The following LINGO2 variants were observed in gnomAD, a reference collection of about 807,000 sequenced individuals.
LINGO2 encodes the protein leucine-rich repeat and immunoglobulin-like domain-containing nogo receptor-interacting protein 2.
Under a neutral mutation model 30.6 loss-of-function variants are expected in LINGO2, and 14 were observed. The observed-to-expected ratio is 0.46, with a 90% CI of 0.30 to 0.72. LINGO2 has a LOEUF of 0.72. Among genes scored for constraint, LINGO2 ranks in the 30% least tolerant of loss-of-function variants. LINGO2 has a pLI of 0.07. For synonymous variants in LINGO2, 317 were observed against 288.5 expected (o/e 1.10, Z -1.00); for missense variants, 729 against 751.7 (o/e 0.97, Z 0.35).
At chr9:28,474,159 C>T (rs1174395987) in intron 2 of LINGO2, among the ~76,000 whole-genome samples, 3 of 152,120 alleles carry the variant, frequency 2.0e-5, no homozygotes, top group African/African-American at 7.2e-5. Context: ...ACTCAATGTG[C>T]ATTTTACTTT....
chr9:28,843,154 C>T, the LINGO2 span, among the ~76,000 whole-genome samples: 1 of 151,694 alleles, frequency 6.6e-6, no homozygotes, highest in Admixed American at 6.6e-5. Context: ...TATGCAATAA[C>T]TTAAAATAAG....
At chr9:28,990,048 A>G in the LINGO2 span, among the ~76,000 whole-genome samples, 2 of 152,206 alleles carry the variant, frequency 1.3e-5, no homozygotes, top group Non-Finnish European at 2.9e-5. Flanking sequence ...GGCGCAGGAC[A>G]GTGGTTGCAG....
At chr9:28,903,868 A>T in the LINGO2 span, among the ~76,000 whole-genome samples, 1 of 151,864 alleles carries the variant, frequency 6.6e-6, no homozygotes, top group African/African-American at 2.4e-5. Context: ...AATTCATCCA[A>T]TGGGGCCTGC....
At chr9:28,906,890 G>T in the LINGO2 span, among the ~76,000 whole-genome samples, 1 of 151,800 alleles carries the variant, frequency 6.6e-6, no homozygotes, top group Non-Finnish European at 1.5e-5. Context: ...CATGCAAGGT[G>T]TGTGGTCCTC....
At chr9:28,302,545 C>G (rs925245586) in intron 3 of LINGO2, among the ~76,000 whole-genome samples, 2 of 152,142 alleles carry the variant, frequency 1.3e-5, no homozygotes, top group Non-Finnish European at 2.9e-5. Context: ...GTGGCACACA[C>G]CTGTTGTCCC....
chr9:28,055,870 G>A (rs146710402), intron 4 of LINGO2, among the ~76,000 whole-genome samples: 2 of 152,086 alleles, frequency 1.3e-5, no homozygotes, highest in Non-Finnish European at 2.9e-5. Context: ...TTCGAAGGAG[G>A]CATTTGGCAA....
At chr9:28,436,167 G>A (rs1823912664) in intron 2 of LINGO2, among the ~76,000 whole-genome samples, 1 of 152,096 alleles carries the variant, frequency 6.6e-6, no homozygotes, top group Non-Finnish European at 1.5e-5. Flanking sequence ...AGGACTTCAA[G>A]TATTTGTTAT....
At chr9:29,030,386 T>A in the LINGO2 span, among the ~76,000 whole-genome samples, 4 of 152,114 alleles carry the variant, frequency 2.6e-5, no homozygotes, top group African/African-American at 9.6e-5. Context: ...ATACCCCTCA[T>A]CCGGATTTCC....
chr9:28,276,344 A>G (rs969458033), intron 4 of LINGO2, among the ~76,000 whole-genome samples: 6 of 152,072 alleles, frequency 3.9e-5, no homozygotes, highest in African/African-American at 7.2e-5. Flanking sequence ...TCTCATCTTT[A>G]TCTTTCAGTA....
At chr9:28,857,364 C>T in the LINGO2 span, among the ~76,000 whole-genome samples, 2 of 152,008 alleles carry the variant, frequency 1.3e-5, no homozygotes, top group Non-Finnish European at 2.9e-5. Flanking sequence ...TAATTTAGCC[C>T]TTGTTTTATA....
At chr9:28,392,171 C>T (rs1291502098) in intron 2 of LINGO2, among the ~76,000 whole-genome samples, 1 of 152,184 alleles carries the variant, frequency 6.6e-6, no homozygotes, top group African/African-American at 2.4e-5. Context: ...CCACAGCGTT[C>T]CAGCCTGGTG....
the LINGO2 span, among the ~76,000 whole-genome samples, chr9:29,129,357 T>C: frequency 1.3e-5 from 2 of 152,106 alleles, no homozygotes; most frequent in African/African-American, 4.8e-5. Flanking sequence ...TACATGTAAA[T>C]GGGATAAATG....
intron 3 of LINGO2, among the ~76,000 whole-genome samples, chr9:28,364,414 T>C (rs1239273733): frequency 6.6e-6 from 1 of 152,086 alleles, no homozygotes; most frequent in Admixed American, 6.6e-5. Context: ...CAAAATGGCA[T>C]CATGCTGCTG....
chr9:28,101,375 A>C (rs1826411629), intron 4 of LINGO2, among the ~76,000 whole-genome samples: 1 of 152,164 alleles, frequency 6.6e-6, no homozygotes, highest in Admixed American at 6.6e-5. Flanking sequence ...AGTATACAAA[A>C]TTAAAGTAAG....
the LINGO2 span, among the ~76,000 whole-genome samples, chr9:29,078,430 T>C: frequency 2.0e-5 from 3 of 152,012 alleles, no homozygotes; most frequent in Non-Finnish European, 1.5e-5. Flanking sequence ...AAATGAAATG[T>C]CTTAAGCCTG....
intron 4 of LINGO2, among the ~76,000 whole-genome samples, chr9:28,276,262 G>A (rs1564089992): frequency 6.6e-6 from 1 of 152,048 alleles, no homozygotes; most frequent in Non-Finnish European, 1.5e-5. Context: ...TGTACACAGA[G>A]CAACAGTCAG....
the LINGO2 span, among the ~76,000 whole-genome samples, chr9:29,186,418 T>C: frequency 3.5e-4 from 54 of 152,248 alleles, no homozygotes; most frequent in Admixed American, 1.2e-3. Flanking sequence ...GTCACATATA[T>C]AGAACCAGGG....
At chr9:28,121,900 G>T (rs1488903614) in intron 4 of LINGO2, among the ~76,000 whole-genome samples, 2 of 152,032 alleles carry the variant, frequency 1.3e-5, no homozygotes, top group South Asian at 4.1e-4. Context: ...TAAATATCTT[G>T]CAAAAATGCA....
At chr9:28,397,545 T>C (rs1408417736) in intron 2 of LINGO2, among the ~76,000 whole-genome samples, 1 of 130,948 alleles carries the variant, frequency 7.6e-6, no homozygotes, top group South Asian at 3.0e-4. Context: ...ATAGATGTCT[T>C]TTTTTTTTTT....
Sources: gnomAD v4.1 joint callset for allele counts (sites outside exome capture counted in the v4.1 genomes callset) on GRCh38, gnomAD v4.1.1 for gene constraint, MANE v1.5 for transcripts, NCBI Gene and HGNC (gene_info 2026-07-23, HGNC 2026-07-21) for gene names.